Variants in LTBP2 observed in about 807,000 individuals in gnomAD.
The protein encoded by LTBP2 is latent transforming growth factor beta binding protein 2, also known as latent-transforming growth factor beta-binding protein 2.
A neutral mutation model predicts 210.6 loss-of-function variants in LTBP2; 103 were observed. The ratio of observed to expected loss-of-function variants is 0.49; its 90% CI spans 0.42 to 0.58. The LOEUF is 0.58. LTBP2 is among the 20% of genes least tolerant of loss of function. The pLI is 0.00. For missense variants in LTBP2, 2,313 were observed against 2,494.5 expected, an observed-to-expected ratio of 0.93 and a Z score of 1.55; for synonymous variants, 1,007 against 1,015.0, an observed-to-expected ratio of 0.99 and a Z score of 0.15.
At position 74,603,909 on chromosome 14, in the gene LTBP2, C is replaced by A. The variant is rs529268698; in HGVS notation, c.495-204G>T. Among the ~76,000 whole-genome samples the A allele has an allele frequency of 3.9e-5, 6 of 152,256 alleles. 1 individual carries two copies. In the South Asian group the frequency reaches 1.2e-3, roughly 32 times the overall value. ...ACATCCCTGGGAAACCTCACTCTCT[C>A]CATCTGTACAATGGAGATAACAATA... On this transcript the variant is annotated intron_variant, in intron 1 of 35. Coordinates refer to ENST00000261978, the MANE Select transcript of LTBP2 (RefSeq NM_000428.3).
chr14:74,553,560 G>T (rs2087688041), intron 4 of LTBP2, among the ~76,000 whole-genome samples: 1 of 152,196 alleles, frequency 6.6e-6, no homozygotes, highest in African/African-American at 2.4e-5. Flanking sequence ...AAGGATTAGA[G>T]TCAGGTTTTG....
rs535723481 is a variant in LTBP2 at position 74,555,573 on chromosome 14, C to A, written c.951G>T (p.Pro317=). 1 of 1,612,312 alleles carries A rather than the reference C, an allele frequency of 6.2e-7. No homozygotes were observed. Among genetic ancestry groups the A allele is most frequent in the South Asian group, 1.1e-5 (1 of 90,758 alleles). ...SSQLSSNALP[P]GPGLEQRDGT... ...CATCTCTCTGCTCAAGGCCTGGTCC[C>A]GGGGGCAGGGCGTTGGAAGAGAGCT... Residue 317 remains proline, a synonymous_variant, in exon 4 of 36, where the codon CCG becomes CCT. Transcript: ENST00000261978.
At chr14:74,540,847 A>T (rs7152872) in intron 8 of LTBP2, among the ~76,000 whole-genome samples, 6 of 16,966 alleles carry the variant, frequency 3.5e-4, no homozygotes, top group South Asian at 2.0e-3. Context: ...ATTTATATAT[A>T]TTATATATAT....
At position 74,532,098 on chromosome 14, in the gene LTBP2, G is replaced by A. The variant is rs531119074; in HGVS notation, c.1987+328C>T. Among the ~76,000 whole-genome samples, 11 of 151,718 alleles carry A rather than the reference G, an allele frequency of 7.3e-5. 1 individual carries two copies. The highest frequency in any genetic ancestry group is 3.3e-4 in the Admixed American group (5 of 15,246). ...GCAGAGGCCACCCCCACCACCTCCC[G>A]CCACCAAAGAAAACGAGGCTACACA... On this transcript the variant is annotated intron_variant, in intron 10 of 35. Coordinates refer to ENST00000261978, the MANE Select transcript of LTBP2 (RefSeq NM_000428.3).
rs1244608774 is a variant in LTBP2 at position 74,597,851 on chromosome 14, TTTCCTGGCTCCTGG to T, written c.565+5770_565+5783del. On this transcript the variant is annotated intron_variant, in intron 2 of 35. Transcript: ENST00000261978. The stretch of plus-strand genomic sequence containing the variant: ...TGGCTGGTTCATCCGGAGATGAGAC[TTTCCTGGCTCCTGG>T]TTCCTGGCTCCTGGTGGGTGCTAAC... Among the ~76,000 whole-genome samples the T allele has an allele frequency of 3.3e-5, 5 of 152,186 alleles. No homozygotes were observed. In the East Asian group the frequency reaches 9.6e-4, roughly 29 times the overall value.
chr14:74,522,909 C>G lies in LTBP2; in HGVS notation c.2540G>C (p.Arg847Thr). The change falls in exon 16 of 36, where the codon AGA becomes ACA. Residue 847 changes from arginine to threonine, a missense_variant. This residue lies in a region of LTBP2 where 1,867 missense variants were observed against 1,976.9 expected (regional missense o/e 0.94). Transcript: ENST00000261978. ...GACGTTGGTGGCTCCAGCAGCGCAT[C>G]TGTCAATGCCTGTGGGAGACAGAGC... Reference protein sequence around the residue: ...LVTLSTPGIDRCAAGATNVCG... With the variant: ...LVTLSTPGIDTCAAGATNVCG... 6.2e-7 allele frequency: 1 copy of G among 1,611,786 alleles called. No homozygotes were observed. The highest frequency in any genetic ancestry group is 8.5e-7 in the Non-Finnish European group (1 of 1,179,372).
At chr14:74,583,524 T>C (rs992848130) in intron 3 of LTBP2, among the ~76,000 whole-genome samples, 1 of 152,202 alleles carries the variant, frequency 6.6e-6, no homozygotes, top group Non-Finnish European at 1.5e-5. Flanking sequence ...ATTAAGAACA[T>C]CACAGTAGCC....
chr14:74,521,162 G>A (rs1217296544), intron 17 of LTBP2, among the ~76,000 whole-genome samples: 2 of 152,216 alleles, frequency 1.3e-5, no homozygotes, highest in African/African-American at 4.8e-5. Context: ...CTGGCAGCAG[G>A]AGGGTACACA....
rs558240176 is a variant in LTBP2, at chr14:74,534,705, C to A, written c.1864+1221G>T. On this transcript the variant is annotated intron_variant, in intron 9 of 35. Coordinates refer to ENST00000261978, the MANE Select transcript of LTBP2 (RefSeq NM_000428.3). ...GCACAGTGTATGTAGCCCATAGTAA[C>A]CTCCCCTCCAATACTCTGTGGAAGT... Among the ~76,000 whole-genome samples, 3 of 152,232 alleles carry A rather than the reference C, an allele frequency of 2.0e-5. No homozygotes were observed. The East Asian group carries it at 5.8e-4, about 29-fold the overall frequency.
intron 15 of LTBP2, among the ~76,000 whole-genome samples, chr14:74,523,423 T>G (rs1183186406): frequency 6.6e-6 from 1 of 151,316 alleles, no homozygotes; most frequent in Non-Finnish European, 1.5e-5. Flanking sequence ...AAGGATTTTG[T>G]GAAAGGTGGG....
At position 74,506,084 on chromosome 14, in the gene LTBP2, C is replaced by G; in HGVS notation, c.4141G>C (p.Ala1381Pro). ...CGTGGGCGGCAGTGCCCCTCCTGGG[C>G]ATCGTACTCCTCCAGGTCACTGGCA... ...LCASDLEEYDAQEGHCRPRGA... is the reference protein window; with the variant it reads ...LCASDLEEYDPQEGHCRPRGA... The change falls in exon 28 of 36, where the codon GCC (alanine) becomes CCC (proline). Residue 1381 changes from alanine (A) to proline (P), a missense_variant. Physicochemically the swap from Ala to Pro is conservative, Grantham distance 27. Coordinates refer to ENST00000261978, the MANE Select transcript of LTBP2 (RefSeq NM_000428.3). 6.2e-7 allele frequency: 1 copy of G among 1,614,200 alleles called. No individual in the cohort carries two copies. The highest frequency in any genetic ancestry group is 1.1e-5 in the South Asian group (1 of 91,088).
chr14:74,577,810 A>G (rs1013580627), intron 3 of LTBP2, among the ~76,000 whole-genome samples: 3 of 145,672 alleles, frequency 2.1e-5, no homozygotes, highest in Non-Finnish European at 4.6e-5. Flanking sequence ...CCAGCTGACC[A>G]TTAGCTCTTG....
chr14:74,587,601 C>G (rs930731917), intron 2 of LTBP2, among the ~76,000 whole-genome samples: 1 of 151,716 alleles, frequency 6.6e-6, no homozygotes, highest in African/African-American at 2.4e-5. Flanking sequence ...CGCCAGAGAC[C>G]CAGGAAGGCC....
chr14:74,551,300 C>T lies in LTBP2; in HGVS notation c.1450G>A (p.Ala484Thr), dbSNP rs541162496. 2.6e-5 allele frequency: 42 copies of T among 1,599,018 alleles called. No individual in the cohort carries two copies. In the African/African-American group the frequency reaches 5.3e-4, roughly 20 times the overall value. ...VKVHIHHPPE[A>T]SVQIHQVAQV... ...GCCACCTGGTGGATCTGCACTGAGG[C>T]CTCGGGTGGGTGGTGAATGTGCACC... The change falls in exon 7 of 36, where the codon GCC becomes ACC. Residue 484 changes from alanine (A) to threonine (T), a missense_variant. Coordinates refer to ENST00000261978, the MANE Select transcript of LTBP2 (RefSeq NM_000428.3).
At chr14:74,523,136 G>A (rs1486606590) in intron 15 of LTBP2, among the ~76,000 whole-genome samples, 2 of 152,046 alleles carry the variant, frequency 1.3e-5, no homozygotes, top group Non-Finnish European at 2.9e-5. Context: ...GGAGGTCATA[G>A]TAGGGCATCC....
intron 4 of LTBP2, among the ~76,000 whole-genome samples, 195 bp downstream of exon 4, chr14:74,555,308 G>A (rs773499364): frequency 6.6e-6 from 1 of 152,146 alleles, no homozygotes; most frequent in Non-Finnish European, 1.5e-5. Context: ...ACGGGGTGAA[G>A]TCCAGGTCCA....
chr14:74,507,410 T>C, intron 25 of LTBP2, 100 bp from the exon 26 acceptor site: 1 of 1,531,278 alleles, frequency 6.5e-7, no homozygotes, highest in Non-Finnish European at 9.0e-7. Context: ...TCTTGATCTA[T>C]TCCAAATTAC....
chr14:74,526,679 C>T lies in LTBP2; in HGVS notation c.2389-565G>A, dbSNP rs377442295. Among the ~76,000 whole-genome samples, 16 of 152,206 alleles carry T rather than the reference C, an allele frequency of 1.1e-4. No homozygotes were observed. In the East Asian group the frequency reaches 2.5e-3, roughly 24 times the overall value. ...GCCTGGGGGGACATCATATGGTGGCCCAGGGACAGAACAAGGCACCCGGAA... is the reference window on the plus strand; with the variant it reads ...GCCTGGGGGGACATCATATGGTGGCTCAGGGACAGAACAAGGCACCCGGAA... On this transcript the variant is annotated intron_variant, in intron 13 of 35. Transcript: ENST00000261978.
At chr14:74,522,168 G>A (rs372659741) in intron 16 of LTBP2, 129 bp from the exon 17 acceptor site, 5 of 1,096,710 alleles carry the variant, frequency 4.6e-6, no homozygotes, top group African/African-American at 1.6e-5. Context: ...AGGGGTGAGG[G>A]AGTGGAGGAG....
Sources: allele counts gnomAD v4.1 joint callset (sites outside exome capture counted in the v4.1 genomes callset), GRCh38; gene constraint gnomAD v4.1.1; regional missense constraint gnomAD v4.1.1; transcripts MANE v1.5; gene names NCBI Gene and HGNC (gene_info 2026-07-23, HGNC 2026-07-21).